Variants in NPEPPS observed in about 807,000 individuals in gnomAD.
NPEPPS encodes puromycin-sensitive aminopeptidase.
NPEPPS carries 14 observed loss-of-function variants against 115.5 expected under a neutral mutation model. That is an observed-to-expected ratio of 0.12 (90% CI 0.08 to 0.19). The LOEUF (loss-of-function observed/expected upper bound fraction) is 0.19. Among genes scored for constraint, NPEPPS ranks in the 10% least tolerant of loss-of-function variants. The pLI is 1.00. For missense variants in NPEPPS, 523 were observed against 1,110.8 expected, an observed-to-expected ratio of 0.47 and a Z score of 7.52; for synonymous variants, 285 against 390.6, an observed-to-expected ratio of 0.73 and a Z score of 3.19.
intron 22 of NPEPPS, 173 bp downstream of exon 22, chr17:47,619,957 G>A (rs1914441385): frequency 1.8e-6 from 1 of 564,766 alleles, no homozygotes; most frequent in East Asian, 3.1e-5. Context: ...AAATGGCCAG[G>A]CATGGTAGCT....
In NPEPPS at chr17:47,622,425, C is replaced by CT. The variant is rs57585141; in HGVS notation, c.*518dup. The CT allele has an allele frequency of 6.0e-3, 895 of 148,038 alleles. 3 individuals carry two copies. The highest frequency in any genetic ancestry group is 0.026 in the South Asian group (139 of 5,352). The allele number at this position is 148,038 out of a possible 1,614,324, so 9.2% of individuals were successfully genotyped here. On this transcript the variant is annotated 3_prime_UTR_variant, in exon 23 of 23. Transcript: ENST00000322157. ...GGAGTCAGTGCATAATTCCAAGTGG[C>CT]TTTTTTTTTTTTTGGCACGGGGACT...
chr17:47,553,461 A>T (rs1367780452), intron 2 of NPEPPS, among the ~76,000 whole-genome samples: 1 of 152,128 alleles, frequency 6.6e-6, no homozygotes, highest in East Asian at 1.9e-4. Context: ...TTTAATAAAT[A>T]TACATTGAAT....
chr17:47,540,719 G>C (rs1908691758), intron 1 of NPEPPS, among the ~76,000 whole-genome samples: 1 of 152,094 alleles, frequency 6.6e-6, no homozygotes, highest in Admixed American at 6.6e-5. Flanking sequence ...AATTTAACCT[G>C]TGTGTGTGTA....
rs28483638 is a variant in NPEPPS, at chr17:47,553,188, G to A, written c.340+7195G>A. On this transcript the variant is annotated intron_variant, in intron 2 of 22. Coordinates refer to ENST00000322157, the MANE Select transcript of NPEPPS (RefSeq NM_006310.4). The stretch of plus-strand genomic sequence containing the variant: ...TCAAGACCAGCCTGGCCAACATGGT[G>A]AAACCTCGTCTCTACTAAAAAAAAA... Among the ~76,000 whole-genome samples, 826 of 151,816 alleles carry A rather than the reference G, an allele frequency of 5.4e-3. 7 individuals are homozygous for A. Among genetic ancestry groups the A allele is most frequent in the African/African-American group, 0.019 (804 of 41,370 alleles).
chr17:47,539,190 G>A (rs1004769290), intron 1 of NPEPPS, among the ~76,000 whole-genome samples: 9 of 149,692 alleles, frequency 6.0e-5, no homozygotes, highest in African/African-American at 2.2e-4. Context: ...GTGGTCTTGA[G>A]TAGTAAATTA....
intron 1 of NPEPPS, among the ~76,000 whole-genome samples, chr17:47,532,002 C>G (rs926671155): frequency 1.3e-5 from 2 of 152,156 alleles, no homozygotes; most frequent in African/African-American, 4.8e-5. Flanking sequence ...TGGTTTCTCT[C>G]TACACCTCTC....
chr17:47,590,537 ATC>A (rs1441924159), intron 9 of NPEPPS, among the ~76,000 whole-genome samples, 178 bp from the exon 10 acceptor site: 1 of 152,026 alleles, frequency 6.6e-6, no homozygotes, highest in Non-Finnish European at 1.5e-5. Context: ...CTTTCTTGAC[ATC>A]TCTTTTAGTC....
At chr17:47,591,215 T>C (rs1480247352) in intron 10 of NPEPPS, among the ~76,000 whole-genome samples, 3 of 151,784 alleles carry the variant, frequency 2.0e-5, no homozygotes, top group Non-Finnish European at 2.9e-5. Context: ...TTACTAAAAA[T>C]ACAAAATTAG....
At chr17:47,606,483 G>A (rs1913525511) in intron 17 of NPEPPS, among the ~76,000 whole-genome samples, 1 of 149,618 alleles carries the variant, frequency 6.7e-6, no homozygotes, top group African/African-American at 2.5e-5. Flanking sequence ...TTGAGATGGA[G>A]TTTCACTCTT....
intron 3 of NPEPPS, among the ~76,000 whole-genome samples, chr17:47,577,785 G>A (rs1911609571): frequency 6.6e-6 from 1 of 152,152 alleles, no homozygotes; most frequent in Non-Finnish European, 1.5e-5. Flanking sequence ...TGAGGCATCA[G>A]GCTAGAGACA....
At chr17:47,574,506 T>TAC (rs537332941) in intron 3 of NPEPPS, among the ~76,000 whole-genome samples, 35 of 151,854 alleles carry the variant, frequency 2.3e-4, no homozygotes, top group African/African-American at 4.1e-4. Flanking sequence ...AGATATGGAT[T>TAC]ACACACACAC....
chr17:47,616,041 A>G (rs571067400), intron 19 of NPEPPS, among the ~76,000 whole-genome samples: 1 of 152,324 alleles, frequency 6.6e-6, no homozygotes, highest in South Asian at 2.1e-4. Flanking sequence ...ACAGTTCTCT[A>G]TGGAGGAAAA....
Position 47,623,005 on chromosome 17 carries a change from T to G in NPEPPS, c.*1085T>G. On this transcript the variant is annotated 3_prime_UTR_variant, in exon 23 of 23. Coordinates refer to ENST00000322157, the MANE Select transcript of NPEPPS (RefSeq NM_006310.4). Reference sequence around the variant, plus strand: ...TAAGCCTGTGTGTGCCACTGTTTGCTTCAACAGTATATCCTAATAAGCCTC... The same window carrying G: ...TAAGCCTGTGTGTGCCACTGTTTGCGTCAACAGTATATCCTAATAAGCCTC... 1 of 414,588 alleles carries G rather than the reference T, an allele frequency of 2.4e-6. No individual in the cohort carries two copies. Among genetic ancestry groups the G allele is most frequent in the Non-Finnish European group, 4.8e-6 (1 of 210,130 alleles). The allele number at this position is 414,588 out of a possible 1,614,324, so 25.7% of individuals were successfully genotyped here.
intron 2 of NPEPPS, among the ~76,000 whole-genome samples, chr17:47,546,425 CAAA>C (rs1419778995): frequency 6.8e-6 from 1 of 147,994 alleles, no homozygotes; most frequent in Admixed American, 6.7e-5. Flanking sequence ...GACCCTGACT[CAAA>C]AAAAGAAAAA....
chr17:47,615,897 A>G (rs972820883), intron 19 of NPEPPS, among the ~76,000 whole-genome samples: 4 of 152,250 alleles, frequency 2.6e-5, no homozygotes, highest in Non-Finnish European at 5.9e-5. Flanking sequence ...TGGTTCTTCA[A>G]GAAGCCACTT....
chr17:47,555,059 G>A (rs1385819458), intron 2 of NPEPPS, among the ~76,000 whole-genome samples: 1 of 152,154 alleles, frequency 6.6e-6, no homozygotes, highest in Non-Finnish European at 1.5e-5. Flanking sequence ...CTGCAGATAA[G>A]GGGGGACTTG....
At chr17:47,581,791 G>T (rs1421432893) in intron 4 of NPEPPS, 1 of 152,276 alleles carries the variant, frequency 6.6e-6, no homozygotes, top group Non-Finnish European at 1.5e-5. Context: ...CGCCTCCCAG[G>T]TTCGAGCCAT....
At position 47,535,827 on chromosome 17, in the gene NPEPPS, G is replaced by A. The variant is rs376959165; in HGVS notation, c.255+4272G>A. Among the ~76,000 whole-genome samples the A allele has an allele frequency of 2.5e-3, 358 of 144,584 alleles. 1 individual carries two copies. The highest frequency in any genetic ancestry group is 8.8e-3 in the African/African-American group (346 of 39,442). The allele number at this position is 144,584 out of a possible 152,430, so 94.9% of individuals were successfully genotyped here. On this transcript the variant is annotated intron_variant, in intron 1 of 22. Coordinates refer to ENST00000322157, the MANE Select transcript of NPEPPS (RefSeq NM_006310.4). ...GTGTAGTGGTTGGTACAATAATTGG[G>A]TATTCTTTTTTTTTTTTTTTTTTTT...
At chr17:47,594,412 C>CTTTT (rs112592322) in intron 12 of NPEPPS, among the ~76,000 whole-genome samples, 2 of 127,984 alleles carry the variant, frequency 1.6e-5, no homozygotes, top group African/African-American at 2.9e-5. Context: ...CTTTTCAATT[C>CTTTT]TTTTTTTTTT....
Sources: gnomAD v4.1 joint callset for allele counts (sites outside exome capture counted in the v4.1 genomes callset) on GRCh38, gnomAD v4.1.1 for gene constraint, MANE v1.5 for transcripts, NCBI Gene and HGNC (gene_info 2026-07-23, HGNC 2026-07-21) for gene names.